Variants in RBM19 observed in about 807,000 individuals in gnomAD.
RBM19 encodes probable RNA-binding protein 19.
In RBM19, 94 loss-of-function variants were observed where a neutral mutation model predicts 116.8. The ratio of observed to expected loss-of-function variants is 0.80; its 90% confidence interval spans 0.68 to 0.95. The LOEUF is 0.95. RBM19 is among the 40% of genes least tolerant of loss of function. The pLI is 0.00. For synonymous variants in RBM19, 475 were observed against 494.1 expected (o/e 0.96, Z 0.51); for missense variants, 1,161 against 1,220.7 (o/e 0.95, Z 0.73).
At position 113,918,424 on chromosome 12, in the gene RBM19, C is replaced by A. The variant is rs1882910426; in HGVS notation, c.2409G>T (p.Lys803Asn). 6.2e-7 allele frequency: 1 copy of A among 1,614,218 alleles called. No individual in the cohort carries two copies. The highest frequency in any genetic ancestry group is 1.3e-5 in the African/African-American group (1 of 75,066). Residue 803 changes from lysine (K) to asparagine (N), a missense_variant, in exon 20 of 24, where the codon AAG becomes AAT. Lys to Asn is a moderately conservative substitution (Grantham distance 94). Coordinates refer to ENST00000261741, the MANE Select transcript of RBM19 (RefSeq NM_016196.4). ...QLQGHVVDGHKLEVRISERAT... is the reference protein window; with the variant it reads ...QLQGHVVDGHNLEVRISERAT... The stretch of plus-strand genomic sequence containing the variant: ...CTCGTTCCGAGATCCTCACTTCCAG[C>A]TTGTGGCCGTCCACGACGTGACCCT...
At chr12:113,925,159 A>C (rs1027892816) in intron 17 of RBM19, among the ~76,000 whole-genome samples, 1 of 152,032 alleles carries the variant, frequency 6.6e-6, no homozygotes. Flanking sequence ...TTTCCCCTTT[A>C]CTTTTTCTGT....
intron 1 of RBM19, 154 bp downstream of exon 1, chr12:113,966,038 A>C: frequency 1.3e-6 from 1 of 799,374 alleles, no homozygotes; most frequent in Non-Finnish European, 2.0e-6. Context: ...TCAAATGGGG[A>C]TAAGCCCAGG....
intron 16 of RBM19, 148 bp from the exon 17 acceptor site, chr12:113,927,377 G>T: frequency 2.3e-6 from 2 of 885,358 alleles, no homozygotes; most frequent in Non-Finnish European, 3.3e-6. Flanking sequence ...GGGGCACCGT[G>T]ATCCCCAACT....
At chr12:113,947,745 G>A (rs568709873) in intron 10 of RBM19, among the ~76,000 whole-genome samples, 3 of 152,324 alleles carry the variant, frequency 2.0e-5, no homozygotes, top group Admixed American at 6.5e-5. Context: ...GGCTAAATGC[G>A]TTCATGCGTG....
intron 21 of RBM19, among the ~76,000 whole-genome samples, chr12:113,889,241 T>C (rs1056303517): frequency 5.3e-5 from 8 of 152,124 alleles, no homozygotes; most frequent in Admixed American, 3.3e-4. Flanking sequence ...CAACCAAAAG[T>C]GACTCTAGAC....
chr12:113,853,410 AAAC>A (rs750493785), intron 22 of RBM19, among the ~76,000 whole-genome samples: 1 of 152,264 alleles, frequency 6.6e-6, no homozygotes, highest in Non-Finnish European at 1.5e-5. Context: ...AGACCTTTTA[AAAC>A]AACAGCAGCG....
rs75581330 is a variant in RBM19, at chr12:113,922,559, G to A, written c.2306-1869C>T. 3.0e-3 allele frequency among the ~76,000 whole-genome samples: 451 copies of A among 152,038 alleles called. 14 individuals carry two copies. The East Asian group carries it at 0.075, about 25-fold the overall frequency. ...GAGGCAGGGACAGCCACCTCCACCT[G>A]CTGGCCTGGGTGCACCTCTGTCAAT... On this transcript the variant is annotated intron_variant, in intron 18 of 23. Transcript: ENST00000261741.
At chr12:113,884,170 G>C (rs923318504) in intron 21 of RBM19, among the ~76,000 whole-genome samples, 3 of 150,516 alleles carry the variant, frequency 2.0e-5, no homozygotes, top group African/African-American at 4.9e-5. Context: ...TGTGGACCCA[G>C]CTACTCAGGA....
intron 16 of RBM19, among the ~76,000 whole-genome samples, chr12:113,934,076 T>C (rs947894200): frequency 6.6e-6 from 1 of 152,170 alleles, no homozygotes; most frequent in African/African-American, 2.4e-5. Flanking sequence ...CTCAGCCTCC[T>C]GAGTAGCTGG....
At chr12:113,891,994 C>A (rs1213736914) in intron 21 of RBM19, among the ~76,000 whole-genome samples, 1 of 152,154 alleles carries the variant, frequency 6.6e-6, no homozygotes, top group African/African-American at 2.4e-5. Context: ...CCTGAATAAC[C>A]CTGTCTGTGT....
chr12:113,951,596 T>C (rs570264558), intron 8 of RBM19, among the ~76,000 whole-genome samples: 2 of 149,980 alleles, frequency 1.3e-5, no homozygotes, highest in African/African-American at 2.5e-5. Context: ...TCCAAGGTCA[T>C]AGGGCTCCTA....
At chr12:113,853,048 G>A (rs527375205) in intron 22 of RBM19, among the ~76,000 whole-genome samples, 2 of 152,312 alleles carry the variant, frequency 1.3e-5, no homozygotes, top group East Asian at 3.9e-4. Context: ...TACAGGTCCT[G>A]TTTGGCTAGA....
At chr12:113,858,309 C>T (rs1297180032) in intron 22 of RBM19, among the ~76,000 whole-genome samples, 2 of 152,236 alleles carry the variant, frequency 1.3e-5, no homozygotes, top group Non-Finnish European at 2.9e-5. Flanking sequence ...GCTGCCCTCA[C>T]AGATAACCAG....
At chr12:113,946,090 A>G (rs1304557892) in intron 12 of RBM19, among the ~76,000 whole-genome samples, 166 bp from the exon 13 acceptor site, 1 of 152,226 alleles carries the variant, frequency 6.6e-6, no homozygotes, top group Non-Finnish European at 1.5e-5. Flanking sequence ...AACAAGACGG[A>G]TGATGACAGG....
At chr12:113,846,778 T>C (rs915654132) in intron 22 of RBM19, among the ~76,000 whole-genome samples, 1 of 152,198 alleles carries the variant, frequency 6.6e-6, no homozygotes, top group Non-Finnish European at 1.5e-5. Flanking sequence ...AGTGGTGTGA[T>C]CATGGCTCAC....
intron 21 of RBM19, among the ~76,000 whole-genome samples, chr12:113,875,880 C>T (rs571025929): frequency 2.0e-5 from 3 of 152,248 alleles, no homozygotes; most frequent in East Asian, 3.9e-4. Context: ...GGAGAGGGGC[C>T]GTTTGTGTGA....
At chr12:113,888,006 G>A (rs1880665633) in intron 21 of RBM19, among the ~76,000 whole-genome samples, 1 of 152,174 alleles carries the variant, frequency 6.6e-6, no homozygotes, top group Non-Finnish European at 1.5e-5. Context: ...ACAGGTGTGA[G>A]CCACTGTGCC....
At chr12:113,936,346 G>A (rs952723875) in intron 16 of RBM19, among the ~76,000 whole-genome samples, 11 of 152,170 alleles carry the variant, frequency 7.2e-5, no homozygotes, top group East Asian at 1.9e-4. Context: ...TCCTCGATGC[G>A]GGGGATACAC....
intron 23 of RBM19, among the ~76,000 whole-genome samples, chr12:113,824,216 G>A (rs1324822662): frequency 6.6e-6 from 1 of 152,192 alleles, no homozygotes; most frequent in Admixed American, 6.5e-5. Context: ...CGGAACTGAG[G>A]CACGGACAGG....
Sources: gnomAD v4.1 joint callset for allele counts (sites outside exome capture counted in the v4.1 genomes callset) on GRCh38, gnomAD v4.1.1 for gene constraint, MANE v1.5 for transcripts, NCBI Gene and HGNC (gene_info 2026-07-23, HGNC 2026-07-21) for gene names.